The following CCP110 variants were observed in gnomAD, a reference collection of about 807,000 sequenced individuals.
The protein encoded by CCP110 is centriolar coiled-coil protein of 110 kDa.
A neutral mutation model predicts 105.5 loss-of-function variants in CCP110; 43 were observed. The ratio of observed to expected loss-of-function variants is 0.41; its 90% CI spans 0.32 to 0.53. CCP110 has a LOEUF of 0.53. Ranked by LOEUF, CCP110 falls within the 20% of genes least tolerant of loss-of-function variation. The pLI, the probability that CCP110 is intolerant of heterozygous loss-of-function variation, is 0.32. For synonymous variants in CCP110, 353 were observed against 392.1 expected, an observed-to-expected ratio of 0.90 and a Z score of 1.18; for missense variants, 1,016 against 1,189.1, an observed-to-expected ratio of 0.85 and a Z score of 2.14.
chr16:19,543,157 C>T (rs1019944437), intron 8 of CCP110, among the ~76,000 whole-genome samples, 163 bp downstream of exon 8: 22 of 152,184 alleles, frequency 1.4e-4, no homozygotes, highest in Admixed American at 3.9e-4. Context: ...TCAGGGACCC[C>T]GAATGGAGGG....
At chr16:19,528,448 G>C (rs1164313521) in intron 2 of CCP110, among the ~76,000 whole-genome samples, 2 of 152,290 alleles carry the variant, frequency 1.3e-5, no homozygotes, top group African/African-American at 2.4e-5. Context: ...ATCAGTAGTG[G>C]AGTAGTTTAA....
At chr16:19,542,592 A>C in intron 6 of CCP110, 29 bp from the exon 7 acceptor site, 5 of 1,513,608 alleles carry the variant, frequency 3.3e-6, no homozygotes, top group Non-Finnish European at 4.6e-6. Context: ...TATGACATCA[A>C]GTATAATACT....
chr16:19,535,583 C>T (rs139639297), intron 3 of CCP110, among the ~76,000 whole-genome samples: 211 of 152,224 alleles, frequency 1.4e-3, no homozygotes, highest in African/African-American at 4.7e-3. Context: ...TAACATATGA[C>T]TAGAAGAAAT....
chr16:19,524,379 G>A (rs1441081027), intron 1 of CCP110, among the ~76,000 whole-genome samples: 2 of 152,152 alleles, frequency 1.3e-5, no homozygotes, highest in South Asian at 2.1e-4. Context: ...AGGGCAGGGG[G>A]CCGTCCCTGG....
chr16:19,536,185 G>A (rs202061336), exon 4 of CCP110: 1 of 1,614,052 alleles, frequency 6.2e-7, no homozygotes, highest in African/African-American at 1.3e-5. Flanking sequence ...ATTCTCCGAA[G>A]CAATGTGATA....
At chr16:19,547,902 G>GA in intron 12 of CCP110, 53 bp from the exon 13 acceptor site, 5 of 1,294,418 alleles carry the variant, frequency 3.9e-6, no homozygotes, top group Admixed American at 1.7e-5. Context: ...AAGAAAATGG[G>GA]AAAAAATGGA....
At chr16:19,527,928 A>G in exon 2 of CCP110, 2 of 1,613,776 alleles carry the variant, frequency 1.2e-6, no homozygotes, top group Non-Finnish European at 1.7e-6. Flanking sequence ...GCCAGAATAC[A>G]AGAAGCATCA....
At chr16:19,528,146 C>A in intron 2 of CCP110, 124 bp downstream of exon 2, 1 of 741,496 alleles carries the variant, frequency 1.3e-6, no homozygotes, top group Non-Finnish European at 2.1e-6. Flanking sequence ...TAGAGAAATA[C>A]AAATGAATTA....
chr16:19,529,271 A>C (rs538313397), intron 2 of CCP110, among the ~76,000 whole-genome samples: 1 of 152,358 alleles, frequency 6.6e-6, no homozygotes, highest in South Asian at 2.1e-4. Context: ...TACTAATTGG[A>C]TATTTTAAAA....
chr16:19,539,786 A>G (rs1316149326), intron 4 of CCP110, among the ~76,000 whole-genome samples: 6 of 151,822 alleles, frequency 4.0e-5, no homozygotes, highest in Non-Finnish European at 7.4e-5. Context: ...ACATAAGACC[A>G]ACAGAGTGGA....
chr16:19,536,790 A>C (rs1970078592), exon 4 of CCP110: 2 of 1,614,170 alleles, frequency 1.2e-6, no homozygotes, highest in East Asian at 4.5e-5. Context: ...ATGAGTCCTA[A>C]AATGCACCGA....
At position 19,548,241 on chromosome 16, in the gene CCP110, T is replaced by C. The variant is rs1970525740; in HGVS notation, c.2900+227T>C. ...TCTTAAGTTGGGATGTTTTTACTTT[T>C]CATTTCATACCATTTTACTCATAAA... On this transcript the variant is annotated intron_variant, in intron 13 of 14. Transcript: ENST00000381396. The surrounding 1 kb of genome is among the most constrained non-coding windows in gnomAD (Gnocchi z 4.1). 1 of 582,454 alleles carries C rather than the reference T, an allele frequency of 1.7e-6. No homozygotes were observed. The highest frequency in any genetic ancestry group is 3.0e-6 in the Non-Finnish European group (1 of 330,214). 36.1% of individuals were successfully genotyped at this position (582,454 alleles called of 1,614,324 possible).
exon 4 of CCP110, chr16:19,537,319 T>G (rs762909525): frequency 7.4e-6 from 12 of 1,614,068 alleles, no homozygotes; most frequent in Middle Eastern, 3.3e-4. Flanking sequence ...TAAAAAACCC[T>G]TCTCCTTTAT....
chr16:19,548,684 T>A lies in CCP110; in HGVS notation c.2986+84T>A, dbSNP rs1970541262. 1 of 765,606 alleles carries A rather than the reference T, an allele frequency of 1.3e-6. No homozygotes were observed. The highest frequency in any genetic ancestry group is 2.1e-6 in the Non-Finnish European group (1 of 469,450). The allele number at this position is 765,606 out of a possible 1,614,324, so 47.4% of individuals were successfully genotyped here. On this transcript the variant is annotated intron_variant, in intron 14 of 14. Coordinates refer to ENST00000381396, the Ensembl canonical transcript of CCP110. This position sits in a 1 kb window ranked among gnomAD's most constrained non-coding sequence, Gnocchi z 4.1. The stretch of plus-strand genomic sequence containing the variant: ...CATAACTCAGGCCATAGAAGTGGAA[T>A]AGATTGTCTTTCCTTGCCACCATAA...
intron 2 of CCP110, among the ~76,000 whole-genome samples, chr16:19,530,440 G>GCCC: frequency 6.6e-6 from 1 of 152,104 alleles, no homozygotes; most frequent in East Asian, 1.9e-4. Flanking sequence ...CACTTTGGGA[G>GCCC]GCTGAGACCA....
At chr16:19,532,528 T>A in exon 3 of CCP110, 1 of 1,607,580 alleles carries the variant, frequency 6.2e-7, no homozygotes, top group Non-Finnish European at 8.5e-7. Context: ...GTCCAGGAGA[T>A]TCTTGACAAT....
chr16:19,551,223 A>T (rs780404219), exon 15 of CCP110: 2 of 1,612,936 alleles, frequency 1.2e-6, no homozygotes, highest in South Asian at 1.1e-5. Context: ...ATCCAAAGAA[A>T]GCGGCCAAAT....
Position 19,548,048 on chromosome 16 carries a change from G to A in CCP110, c.2900+34G>A, listed in dbSNP as rs752385331. ...GCCACACACGGGTATTGAAAACTAC[G>A]GAAACCAAGATTAGATTTGAGAGGG... On this transcript the variant is annotated intron_variant, in intron 13 of 14. Coordinates refer to ENST00000381396, the Ensembl canonical transcript of CCP110. The surrounding 1 kb of genome is among the most constrained non-coding windows in gnomAD (Gnocchi z 4.1). 3.8e-5 allele frequency: 53 copies of A among 1,410,062 alleles called. No individual in the cohort carries two copies. Among genetic ancestry groups the A allele is most frequent in the South Asian group, 1.5e-4 (13 of 85,414 alleles). 87.3% of individuals were successfully genotyped at this position (1,410,062 alleles called of 1,614,324 possible).
chr16:19,542,581 A>T (rs753624980), intron 6 of CCP110, 40 bp from the exon 7 acceptor site: 6 of 1,445,102 alleles, frequency 4.2e-6, no homozygotes, highest in Non-Finnish European at 4.9e-6. Context: ...TATTCTAATT[A>T]TATGACATCA....
Sources: allele counts gnomAD v4.1 joint callset (sites outside exome capture counted in the v4.1 genomes callset), GRCh38; gene constraint gnomAD v4.1.1; non-coding constraint Gnocchi (gnomAD v3.1); transcripts MANE v1.5; gene names NCBI Gene and HGNC (gene_info 2026-07-23, HGNC 2026-07-21).